RBFOX1: variants seen among roughly 807,000 people sequenced by gnomAD.
RBFOX1 encodes the protein RNA binding fox-1 homolog 1.
Under a neutral mutation model 57.7 loss-of-function variants are expected in RBFOX1, and 8 were observed. The observed-to-expected ratio is 0.14, with a 90% CI of 0.08 to 0.25. The LOEUF (loss-of-function observed/expected upper bound fraction) is 0.25. Ranked by LOEUF, RBFOX1 falls within the 10% of genes least tolerant of loss-of-function variation. RBFOX1 has a pLI of 1.00. For missense variants in RBFOX1, 611 were observed against 548.5 expected, an observed-to-expected ratio of 1.11 and a Z score of -1.14; for synonymous variants, 326 against 222.4, an observed-to-expected ratio of 1.47 and a Z score of -4.15.
intron 3 of RBFOX1, among the ~76,000 whole-genome samples, chr16:6,930,688 G>T (rs941637474): frequency 1.3e-5 from 2 of 152,142 alleles, no homozygotes; most frequent in Non-Finnish European, 2.9e-5. Context: ...GGGATTACAG[G>T]TGTTAGCCCC....
intron 2 of RBFOX1, among the ~76,000 whole-genome samples, chr16:6,616,644 C>T (rs1308352990): frequency 2.0e-5 from 3 of 152,222 alleles, no homozygotes; most frequent in African/African-American, 7.2e-5. Flanking sequence ...CACTGCACTC[C>T]AGCCTGGGCG....
At chr16:6,704,097 C>G (rs1049757235) in intron 3 of RBFOX1, 3 of 152,358 alleles carry the variant, frequency 2.0e-5, no homozygotes, top group Non-Finnish European at 4.4e-5. Flanking sequence ...AGGCACTATC[C>G]TTGCTCTTCT....
At chr16:6,563,848 G>A (rs562228868) in intron 2 of RBFOX1, among the ~76,000 whole-genome samples, 4 of 150,582 alleles carry the variant, frequency 2.7e-5, no homozygotes, top group African/African-American at 4.9e-5. Flanking sequence ...ATATATATAT[G>A]TGTGTGTGTG....
intron 4 of RBFOX1, among the ~76,000 whole-genome samples, chr16:7,265,958 G>GTATTTTTTTTTTTTTTTTTTTTT (rs1567956396): frequency 1.9e-5 from 2 of 107,604 alleles, no homozygotes. Context: ...GATCTGGTGG[G>GTATTTTTTTTTTTTTTTTTTTTT]TTTTTGTTTT....
chr16:6,975,702 T>G (rs2086677197), intron 3 of RBFOX1, among the ~76,000 whole-genome samples: 1 of 152,194 alleles, frequency 6.6e-6, no homozygotes, highest in Admixed American at 6.5e-5. Context: ...GGAACATCAA[T>G]TTATGATTAG....
chr16:5,503,997 G>A (rs2043290743), intron 2 of RBFOX1, among the ~76,000 whole-genome samples: 1 of 152,170 alleles, frequency 6.6e-6, no homozygotes, highest in South Asian at 2.1e-4. Flanking sequence ...ATCATGGTGA[G>A]GAGAGCTGGC....
At chr16:6,880,655 C>G (rs372512900) in intron 3 of RBFOX1, among the ~76,000 whole-genome samples, 1 of 152,066 alleles carries the variant, frequency 6.6e-6, no homozygotes, top group Non-Finnish European at 1.5e-5. Flanking sequence ...ATAAAATTAG[C>G]AGTAAAGAAA....
chr16:6,514,038 A>G (rs908956411), intron 2 of RBFOX1, among the ~76,000 whole-genome samples: 2 of 152,182 alleles, frequency 1.3e-5, no homozygotes, highest in Admixed American at 6.5e-5. Context: ...TCAACACCTC[A>G]AGGCATGAAC....
intron 3 of RBFOX1, among the ~76,000 whole-genome samples, chr16:5,628,491 C>A (rs992457964): frequency 2.6e-5 from 4 of 152,072 alleles, no homozygotes; most frequent in African/African-American, 9.7e-5. Flanking sequence ...TTTCTAGGAT[C>A]TGGGTTAGGG....
rs1567858518 is a variant in RBFOX1 at position 6,288,886 on chromosome 16, A to G, written c.-126-28109A>G. On this transcript the variant is annotated intron_variant, in intron 1 of 15. Transcript: ENST00000550418. The stretch of plus-strand genomic sequence containing the variant: ...GGATCTAAGGTCTAGTGGAACCAAC[A>G]GCGAATTCTGGACATTAGTTCTCAA... Among the ~76,000 whole-genome samples the G allele has an allele frequency of 2.0e-5, 3 of 152,246 alleles. No homozygotes were observed. In the South Asian group the frequency reaches 6.2e-4, roughly 32 times the overall value.
chr16:6,518,525 T>C (rs1410101280), intron 2 of RBFOX1, among the ~76,000 whole-genome samples: 1 of 152,122 alleles, frequency 6.6e-6, no homozygotes, highest in Non-Finnish European at 1.5e-5. Flanking sequence ...GTCATGTAGA[T>C]CTGATTCCAG....
chr16:7,430,294 A>T (rs917037979), intron 4 of RBFOX1, among the ~76,000 whole-genome samples: 1 of 152,148 alleles, frequency 6.6e-6, no homozygotes, highest in Admixed American at 6.5e-5. Flanking sequence ...GGTTTATGCA[A>T]TTCCCAAAAG....
chr16:6,777,876 C>G lies in RBFOX1; in HGVS notation c.-16+123226C>G, dbSNP rs138880000. 2.0e-5 allele frequency among the ~76,000 whole-genome samples: 3 copies of G among 152,126 alleles called. No homozygotes were observed. In the East Asian group the frequency reaches 5.8e-4, roughly 29 times the overall value. On this transcript the variant is annotated intron_variant, in intron 3 of 15. Transcript: ENST00000550418. ...TATTCCTCAGAGGTGTCAGAGCTGC[C>G]CAAAGCTGACTTCCATCCATATTGA...
chr16:7,364,038 G>C (rs376470074), intron 4 of RBFOX1, among the ~76,000 whole-genome samples: 25 of 152,304 alleles, frequency 1.6e-4, no homozygotes, highest in African/African-American at 5.8e-4. Flanking sequence ...TGGAAAAGTA[G>C]AACAGCCAGT....
chr16:5,373,554 A>C (rs2065911359), intron 1 of RBFOX1, among the ~76,000 whole-genome samples: 1 of 151,414 alleles, frequency 6.6e-6, no homozygotes, highest in African/African-American at 2.4e-5. Flanking sequence ...AGGCCTCCTC[A>C]GCCGTACTTC....
At chr16:5,757,990 G>A (rs781608811) in intron 3 of RBFOX1, among the ~76,000 whole-genome samples, 1 of 152,142 alleles carries the variant, frequency 6.6e-6, no homozygotes, top group Non-Finnish European at 1.5e-5. Context: ...CATCACCTCT[G>A]CCTGTGGCAC....
rs929213521 is a variant in RBFOX1 at position 6,530,541 on chromosome 16, C to A, written c.-63-124062C>A. The stretch of plus-strand genomic sequence containing the variant: ...ATAGACATGCAGGGGCTTCTTTGCT[C>A]CTTGTATTAGTCTATTTTCACGCTG... On this transcript the variant is annotated intron_variant, in intron 2 of 15. Coordinates refer to ENST00000550418, the MANE Select transcript of RBFOX1 (RefSeq NM_018723.4). Among the ~76,000 whole-genome samples, 4 of 152,238 alleles carry A rather than the reference C, an allele frequency of 2.6e-5. No homozygotes were observed. The East Asian group carries it at 7.7e-4, about 29-fold the overall frequency.
chr16:7,570,990 C>G (rs922068243), intron 5 of RBFOX1, among the ~76,000 whole-genome samples: 1 of 152,156 alleles, frequency 6.6e-6, no homozygotes, highest in Admixed American at 6.5e-5. Flanking sequence ...GAACAGAAAA[C>G]CGAACACTGC....
intron 3 of RBFOX1, among the ~76,000 whole-genome samples, chr16:6,906,088 G>A (rs1020353854): frequency 6.7e-6 from 1 of 149,578 alleles, no homozygotes; most frequent in Admixed American, 6.7e-5. Flanking sequence ...GTCTTCGATG[G>A]AACGCTTTGC....
Sources: allele counts gnomAD v4.1 joint callset (sites outside exome capture counted in the v4.1 genomes callset), GRCh38; gene constraint gnomAD v4.1.1; transcripts MANE v1.5; gene names NCBI Gene and HGNC (gene_info 2026-07-23, HGNC 2026-07-21).